TOX2: variants seen among roughly 807,000 people sequenced by gnomAD.
TOX2 encodes granulosa cell HMG box 1.
Under a neutral mutation model 47.4 loss-of-function variants are expected in TOX2, and 15 were observed. That is an observed-to-expected ratio of 0.32 (90% CI 0.21 to 0.49). The LOEUF (loss-of-function observed/expected upper bound fraction) is 0.49, where lower values mean the gene tolerates loss of function less well. Among genes scored for constraint, TOX2 ranks in the 20% least tolerant of loss-of-function variants. The pLI is 0.99. For missense variants in TOX2, 622 were observed against 673.1 expected, an observed-to-expected ratio of 0.92 and a Z score of 0.84; for synonymous variants, 290 against 296.6, an observed-to-expected ratio of 0.98 and a Z score of 0.23.
chr20:43,939,176 G>C (rs992476562), intron 1 of TOX2, among the ~76,000 whole-genome samples: 1 of 151,686 alleles, frequency 6.6e-6, no homozygotes, highest in Non-Finnish European at 1.5e-5. Flanking sequence ...GTGCATGCAC[G>C]TTAGGTCCTA....
chr20:43,990,435 T>A (rs2070349731), intron 2 of TOX2, among the ~76,000 whole-genome samples: 1 of 152,162 alleles, frequency 6.6e-6, no homozygotes, highest in African/African-American at 2.4e-5. Flanking sequence ...GGGTCCAGGC[T>A]GCAAGAGGAG....
intron 4 of TOX2, among the ~76,000 whole-genome samples, chr20:44,052,323 C>A (rs2071528130): frequency 6.6e-6 from 1 of 152,218 alleles, no homozygotes; most frequent in African/African-American, 2.4e-5. Context: ...GAGAGAACAT[C>A]TTGTCTTACC....
At chr20:43,993,734 CAG>C (rs1320000722) in intron 2 of TOX2, among the ~76,000 whole-genome samples, 4 of 152,174 alleles carry the variant, frequency 2.6e-5, no homozygotes, top group Non-Finnish European at 4.4e-5. Context: ...ATAGTTCTGA[CAG>C]AGACCATATG....
intron 1 of TOX2, among the ~76,000 whole-genome samples, chr20:43,961,067 T>A (rs1452378620): frequency 6.6e-6 from 1 of 152,242 alleles, no homozygotes; most frequent in East Asian, 1.9e-4. Context: ...GCCAGACATG[T>A]GGCTGTTGTG....
chr20:44,020,087 A>G (rs1004860804), intron 3 of TOX2, among the ~76,000 whole-genome samples: 1 of 152,212 alleles, frequency 6.6e-6, no homozygotes, highest in African/African-American at 2.4e-5. Context: ...TCTCTGTGCC[A>G]CAGTTTCCTC....
intron 5 of TOX2, among the ~76,000 whole-genome samples, chr20:44,054,833 C>T (rs2071590771): frequency 6.6e-6 from 1 of 152,172 alleles, no homozygotes; most frequent in Non-Finnish European, 1.5e-5. Context: ...TCCCACCAAC[C>T]CTAAAAGTCT....
Position 43,914,858 on chromosome 20 carries a change from C to T in TOX2, c.-34C>T. ...ACCCGCCGCCCGCCCAGGCACTGCCCGCGGGAGCCGCCGCCGCCGCCGCCG... is the reference window on the plus strand; with the variant it reads ...ACCCGCCGCCCGCCCAGGCACTGCCTGCGGGAGCCGCCGCCGCCGCCGCCG... On this transcript the variant is annotated 5_prime_UTR_variant, in exon 1 of 9. Coordinates refer to ENST00000341197, the MANE Select transcript of TOX2 (RefSeq NM_001098797.2). The surrounding 1 kb of genome is among the most constrained non-coding windows in gnomAD (Gnocchi z 4.5). The T allele has an allele frequency of 1.1e-6, 1 of 933,494 alleles. No homozygotes were observed. The highest frequency in any genetic ancestry group is 1.3e-6 in the Non-Finnish European group (1 of 783,770). 57.8% of individuals were successfully genotyped at this position (933,494 alleles called of 1,614,324 possible).
chr20:44,047,030 A>T (rs1178408987), intron 3 of TOX2, among the ~76,000 whole-genome samples: 1 of 152,268 alleles, frequency 6.6e-6, no homozygotes, highest in Non-Finnish European at 1.5e-5. Flanking sequence ...AGGATACATT[A>T]AATAAAAACA....
chr20:43,942,949 G>A (rs1194302949), intron 1 of TOX2, among the ~76,000 whole-genome samples: 1 of 152,192 alleles, frequency 6.6e-6, no homozygotes, highest in Non-Finnish European at 1.5e-5. Context: ...CTCCACACCA[G>A]AAGGAGCTGA....
At chr20:44,058,572 C>T (rs1332459756) in intron 5 of TOX2, among the ~76,000 whole-genome samples, 1 of 152,210 alleles carries the variant, frequency 6.6e-6, no homozygotes, top group East Asian at 1.9e-4. Flanking sequence ...AGTGCTACCT[C>T]CTGGCTAGAG....
At chr20:43,927,654 CCT>C (rs1331959204) in intron 1 of TOX2, among the ~76,000 whole-genome samples, 3 of 120,220 alleles carry the variant, frequency 2.5e-5, no homozygotes, top group Non-Finnish European at 3.2e-5. Flanking sequence ...CCTTCCCTTC[CCT>C]TCCCCTTCCT....
chr20:43,939,093 C>T (rs891199595), intron 1 of TOX2, among the ~76,000 whole-genome samples: 1 of 152,182 alleles, frequency 6.6e-6, no homozygotes, highest in Admixed American at 6.5e-5. Context: ...CCCCTTGTCT[C>T]TTGGAGCCCC....
At chr20:44,040,091 C>T (rs1407425443) in intron 3 of TOX2, among the ~76,000 whole-genome samples, 3 of 152,192 alleles carry the variant, frequency 2.0e-5, no homozygotes, top group Non-Finnish European at 4.4e-5. Context: ...TTCTAGAATG[C>T]ATGGAGGGAT....
intron 1 of TOX2, among the ~76,000 whole-genome samples, chr20:43,950,107 G>GT (rs1270498882): frequency 6.6e-6 from 1 of 152,128 alleles, no homozygotes; most frequent in African/African-American, 2.4e-5. Flanking sequence ...TTGCTGGATT[G>GT]TAAGTGTTCC....
At chr20:44,006,988 G>C (rs899317068) in intron 3 of TOX2, among the ~76,000 whole-genome samples, 196 bp downstream of exon 3, 16 of 152,222 alleles carry the variant, frequency 1.1e-4, no homozygotes, top group African/African-American at 3.9e-4. Flanking sequence ...ACGGTGGGTG[G>C]GCATGGAGAG....
At chr20:44,051,191 G>A (rs940736244) in intron 3 of TOX2, 115 bp from the exon 4 acceptor site, 3 of 1,449,286 alleles carry the variant, frequency 2.1e-6, no homozygotes, top group Middle Eastern at 2.2e-4. Flanking sequence ...ATCGGAGCAG[G>A]AGCCGCACCC....
chr20:44,004,107 C>T (rs2070635622), intron 2 of TOX2, among the ~76,000 whole-genome samples: 1 of 152,094 alleles, frequency 6.6e-6, no homozygotes, highest in Admixed American at 6.5e-5. Flanking sequence ...TGAGAGATGT[C>T]AGGGGGTGAG....
Position 44,057,225 on chromosome 20 carries a change from C to T in TOX2, c.879+2699C>T, listed in dbSNP as rs542402188. Among the ~76,000 whole-genome samples the T allele has an allele frequency of 4.9e-4, 74 of 152,302 alleles. 2 individuals are homozygous for T. The highest frequency in any genetic ancestry group is 1.5e-3 in the African/African-American group (63 of 41,572). On this transcript the variant is annotated intron_variant, in intron 5 of 8. Transcript: ENST00000341197. The stretch of plus-strand genomic sequence containing the variant: ...CATGAGCCACTATATCCAGCCATAT[C>T]TCCTTATTTTGTCTCCTCACTTCTC...
intron 2 of TOX2, among the ~76,000 whole-genome samples, chr20:43,988,735 A>AT (rs1203823372): frequency 6.6e-6 from 1 of 152,198 alleles, no homozygotes; most frequent in Non-Finnish European, 1.5e-5. Context: ...ACTGGTACAC[A>AT]TGCTGTTTAG....
Sources: allele counts gnomAD v4.1 joint callset (sites outside exome capture counted in the v4.1 genomes callset), GRCh38; gene constraint gnomAD v4.1.1; non-coding constraint Gnocchi (gnomAD v3.1); transcripts MANE v1.5; gene names NCBI Gene and HGNC (gene_info 2026-07-23, HGNC 2026-07-21).